ACSS1: variants seen among roughly 807,000 people sequenced by gnomAD.
ACSS1 encodes the protein acyl-CoA synthetase short chain family member 1, also known as acetyl-coenzyme A synthetase 2-like, mitochondrial.
ACSS1 carries 42 observed loss-of-function variants against 75.3 expected under a neutral mutation model. The observed-to-expected ratio is 0.56, with a 90% confidence interval of 0.44 to 0.72. The LOEUF is 0.72. Among genes scored for constraint, ACSS1 ranks in the 30% least tolerant of loss-of-function variants. The pLI, the probability that ACSS1 is intolerant of heterozygous loss-of-function variation, is 0.00. For missense variants in ACSS1, 782 were observed against 935.7 expected (o/e 0.84, Z 2.14); for synonymous variants, 380 against 376.8 (o/e 1.01, Z -0.10).
intron 7 of ACSS1, among the ~76,000 whole-genome samples, chr20:25,018,954 C>T (rs2088568980): frequency 6.6e-6 from 1 of 152,244 alleles, no homozygotes; most frequent in Non-Finnish European, 1.5e-5. Flanking sequence ...ATCCCCATCT[C>T]ACATTTGGGA....
chr20:25,030,878 T>C lies in ACSS1; in HGVS notation c.512A>G (p.Tyr171Cys). 1.2e-6 allele frequency: 2 copies of C among 1,614,156 alleles called. No individual in the cohort carries two copies. The highest frequency in any genetic ancestry group is 1.7e-6 in the Non-Finnish European group (2 of 1,180,036). The change falls in exon 3 of 14, where the codon TAC becomes TGC. Residue 171 changes from tyrosine to cysteine, a missense_variant. Physicochemically the swap from Tyr to Cys is radical, Grantham distance 194. Coordinates refer to ENST00000323482, the MANE Select transcript of ACSS1 (RefSeq NM_032501.4). ...GVHRGDRVAI[Y>C]MPVSPLAVAA... ...CACAGCCAATGGGGACACGGGCATG[T>C]AGATGGCAACACGGTCCCCACGGTG...
At chr20:25,030,123 C>T (rs2088796925) in intron 3 of ACSS1, among the ~76,000 whole-genome samples, 5 of 152,208 alleles carry the variant, frequency 3.3e-5, no homozygotes. Context: ...CACAAGAATT[C>T]TCAATGGCAC....
At chr20:25,016,934 G>A (rs920414151) in intron 7 of ACSS1, among the ~76,000 whole-genome samples, 19 of 152,110 alleles carry the variant, frequency 1.2e-4, no homozygotes, top group South Asian at 6.2e-4. Context: ...GGCCGAAGGC[G>A]CAGGAGCAAC....
intron 3 of ACSS1, 148 bp from the exon 4 acceptor site, chr20:25,023,789 G>T: frequency 2.6e-6 from 2 of 755,124 alleles, no homozygotes; most frequent in Non-Finnish European, 4.1e-6. Context: ...GTGAGGGGCT[G>T]CCTGCTCTCC....
At chr20:25,042,190 C>T (rs530753638) in intron 2 of ACSS1, among the ~76,000 whole-genome samples, 6 of 152,262 alleles carry the variant, frequency 3.9e-5, no homozygotes, top group South Asian at 2.1e-4. Flanking sequence ...GCCAGGACCT[C>T]GGCACCCAGG....
In ACSS1 at chr20:25,032,811, C is replaced by G. The variant is rs192953354; in HGVS notation, c.432-1853G>C. On this transcript the variant is annotated intron_variant, in intron 2 of 13. Coordinates refer to ENST00000323482, the MANE Select transcript of ACSS1 (RefSeq NM_032501.4). Reference sequence around the variant, plus strand: ...GGCCTCAAGGAGGCCTTTGTTTCTTCCCAAGGCCATCTGCAGAGGGGACCA... The same window carrying G: ...GGCCTCAAGGAGGCCTTTGTTTCTTGCCAAGGCCATCTGCAGAGGGGACCA... The G allele has an allele frequency of 2.1e-5, 12 of 578,448 alleles. No individual in the cohort carries two copies. The Admixed American group carries it at 4.3e-4, about 21-fold the overall frequency. The allele number at this position is 578,448 out of a possible 1,614,324, so 35.8% of individuals were successfully genotyped here. A position where few individuals can be genotyped will look rare whatever the true frequency, so the allele number is the denominator to read the frequency against.
Position 25,057,846 on chromosome 20 carries a change from G to A in ACSS1, c.257C>T (p.Pro86Leu), listed in dbSNP as rs763043940. The A allele has an allele frequency of 1.2e-6, 2 of 1,612,662 alleles. No individual in the cohort carries two copies. Among genetic ancestry groups the A allele is most frequent in the Non-Finnish European group, 1.7e-6 (2 of 1,179,500 alleles). ...GTCGCAGTCCCAGACGGTGTGGTAG[G>A]GGGTGTCCCACACGAGAGTGTCCCG... Reference protein sequence around the residue: ...LARDTLVWDTPYHTVWDCDFS... With the variant: ...LARDTLVWDTLYHTVWDCDFS... Residue 86 changes from proline (P) to leucine (L), a missense_variant, in exon 1 of 14, where the codon CCC (proline) becomes CTC (leucine). Physicochemically the swap from Pro to Leu is moderately conservative, Grantham distance 98. Transcript: ENST00000323482.
rs144154135 is a variant in ACSS1, at chr20:25,013,979, G to T, written c.1434C>A (p.Pro478=). The T allele has an allele frequency of 6.2e-7, 1 of 1,613,746 alleles. No individual in the cohort carries two copies. Among genetic ancestry groups the T allele is most frequent in the Non-Finnish European group, 8.5e-7 (1 of 1,179,870 alleles). Reference sequence around the variant, plus strand: ...TACACACCTTCTCATCCATGAGGACGGGGACGATGCCAAAGAAGGGCCTCA... The same window carrying T: ...TACACACCTTCTCATCCATGAGGACTGGGACGATGCCAAAGAAGGGCCTCA... ...MAMRPFFGIV[P]VLMDEKGSVV... is the part of the protein sequence containing the mutation. Residue 478 remains proline, a synonymous_variant, in exon 9 of 14, where the codon CCC becomes CCA. Transcript: ENST00000323482.
At chr20:25,037,710 G>A (rs1217860500) in intron 2 of ACSS1, among the ~76,000 whole-genome samples, 1 of 152,248 alleles carries the variant, frequency 6.6e-6, no homozygotes, top group Non-Finnish European at 1.5e-5. Flanking sequence ...ATCAGCCTTA[G>A]GGAAGGGAAG....
rs2088315464 is a variant in ACSS1, at chr20:25,006,757, G to C, written c.*1005C>G. 2 of 1,432,136 alleles carry C rather than the reference G, an allele frequency of 1.4e-6. No homozygotes were observed. Among genetic ancestry groups the C allele is most frequent in the African/African-American group, 2.8e-5 (2 of 70,276 alleles). 88.7% of individuals were successfully genotyped at this position (1,432,136 alleles called of 1,614,324 possible). A position where few individuals can be genotyped will look rare whatever the true frequency, so the allele number is the denominator to read the frequency against. ...GTCACATTAAAACAAAGAGAGACTGGATCCAGACCTCCAAGTCTCATCATT... is the reference window on the plus strand; with the variant it reads ...GTCACATTAAAACAAAGAGAGACTGCATCCAGACCTCCAAGTCTCATCATT... On this transcript the variant is annotated 3_prime_UTR_variant, in exon 14 of 14. Transcript: ENST00000323482.
intron 3 of ACSS1, among the ~76,000 whole-genome samples, chr20:25,023,881 G>T (rs2088670621): frequency 6.6e-6 from 1 of 152,174 alleles, no homozygotes; most frequent in Admixed American, 6.5e-5. Context: ...AAATTACTTT[G>T]AAGCTCAGCT....
intron 2 of ACSS1, among the ~76,000 whole-genome samples, chr20:25,039,639 T>G (rs73346974): frequency 0.036 from 5,518 of 152,254 alleles, 319 homozygotes; most frequent in African/African-American, 0.12. Flanking sequence ...AGGGCATGCC[T>G]CCCCAGGCAC....
chr20:25,043,054 G>A (rs753771229), intron 2 of ACSS1, among the ~76,000 whole-genome samples: 5 of 151,854 alleles, frequency 3.3e-5, no homozygotes, highest in South Asian at 2.1e-4. Flanking sequence ...ACCAGGTCCT[G>A]GGCCCTGGCC....
chr20:25,041,166 G>C (rs992675125), intron 2 of ACSS1, among the ~76,000 whole-genome samples: 5 of 151,742 alleles, frequency 3.3e-5, no homozygotes, highest in African/African-American at 1.2e-4. Context: ...GCTGAGGCAG[G>C]AGAATGGCGT....
At chr20:25,024,695 A>C (rs559653427) in intron 3 of ACSS1, among the ~76,000 whole-genome samples, 26 of 152,312 alleles carry the variant, frequency 1.7e-4, no homozygotes, top group Admixed American at 3.9e-4. Context: ...CACTTCCAAG[A>C]CAGACTCTGG....
chr20:25,018,297 G>GC (rs1246780718), intron 7 of ACSS1, among the ~76,000 whole-genome samples: 1 of 152,188 alleles, frequency 6.6e-6, no homozygotes, highest in Non-Finnish European at 1.5e-5. Context: ...CTCACCAGAT[G>GC]CCAACACCTT....
chr20:25,014,201 T>C (rs2088475048), intron 8 of ACSS1, 128 bp from the exon 9 acceptor site: 1 of 752,882 alleles, frequency 1.3e-6, no homozygotes, highest in African/African-American at 1.7e-5. Context: ...CAACGATCTT[T>C]GAGGCAAACC....
chr20:25,041,312 T>A (rs2089000333), intron 2 of ACSS1, among the ~76,000 whole-genome samples: 1 of 150,648 alleles, frequency 6.6e-6, no homozygotes, highest in Non-Finnish European at 1.5e-5. Context: ...AGCAAAAGCA[T>A]GCAGCTTTTT....
At chr20:25,042,594 T>G (rs551943386) in intron 2 of ACSS1, among the ~76,000 whole-genome samples, 15 of 151,786 alleles carry the variant, frequency 9.9e-5, no homozygotes, top group Non-Finnish European at 1.5e-4. Context: ...AATAAGGGAG[T>G]GTGCTCACTA....
Sources: gnomAD v4.1 joint callset for allele counts (sites outside exome capture counted in the v4.1 genomes callset) on GRCh38, gnomAD v4.1.1 for gene constraint, MANE v1.5 for transcripts, NCBI Gene and HGNC (gene_info 2026-07-23, HGNC 2026-07-21) for gene names.